TADA2A: variants seen among roughly 807,000 people sequenced by gnomAD.
The protein encoded by TADA2A is transcriptional adapter 2-alpha.
TADA2A carries 38 observed loss-of-function variants against 67.4 expected under a neutral mutation model. The observed-to-expected ratio is 0.56, with a 90% CI of 0.44 to 0.74. The LOEUF is 0.74. Ranked by LOEUF, TADA2A falls within the 30% of genes least tolerant of loss-of-function variation. The probability of loss-of-function intolerance (pLI) is 0.00; values close to 1 mark genes in which losing one functional copy is unlikely to be tolerated. For missense variants in TADA2A, 454 were observed against 547.0 expected, an observed-to-expected ratio of 0.83 and a Z score of 1.70; for synonymous variants, 192 against 181.6, an observed-to-expected ratio of 1.06 and a Z score of -0.46.
At chr17:37,455,606 C>T (rs1256004166) in intron 8 of TADA2A, among the ~76,000 whole-genome samples, 2 of 152,124 alleles carry the variant, frequency 1.3e-5, no homozygotes, top group African/African-American at 2.4e-5. Context: ...TGGTCTTGAG[C>T]TCCTGACCTT....
At chr17:37,409,811 A>G (rs1005404486) in intron 1 of TADA2A, among the ~76,000 whole-genome samples, 5 of 150,134 alleles carry the variant, frequency 3.3e-5, no homozygotes, top group South Asian at 2.1e-4. Flanking sequence ...AGTGTACAGA[A>G]GAAGGATTAT....
chr17:37,408,508 G>T (rs925085652), intron 1 of TADA2A: 1 of 151,352 alleles, frequency 6.6e-6, no homozygotes, highest in Non-Finnish European at 1.5e-5. Context: ...GCCTCGGCCT[G>T]CTAAAGTGCT....
intron 3 of TADA2A, 38 bp downstream of exon 3, chr17:37,423,653 A>G (rs769144090): frequency 1.4e-6 from 2 of 1,474,310 alleles, no homozygotes; most frequent in Non-Finnish European, 1.9e-6. Context: ...GCCTAGTTTT[A>G]TGCTATTTTT....
chr17:37,476,945 A>G lies in TADA2A; in HGVS notation c.1295A>G (p.Asp432Gly). Reference protein sequence around the residue: ...IDVNKTRKIYDFLIREGYITK... With the variant: ...IDVNKTRKIYGFLIREGYITK... ...GTGAACAAAACCCGGAAAATCTATG[A>G]TTTCCTCATCAGAGAAGGATACATC... The change falls in exon 16 of 16, where the codon GAT (aspartate) becomes GGT (glycine). Residue 432 changes from aspartate (D) to glycine (G), a missense_variant. Transcript: ENST00000615182. 6.2e-7 allele frequency: 1 copy of G among 1,613,994 alleles called. No homozygotes were observed. Among genetic ancestry groups the G allele is most frequent in the South Asian group, 1.1e-5 (1 of 91,062 alleles).
At chr17:37,407,676 G>A (rs192377448) in intron 1 of TADA2A, among the ~76,000 whole-genome samples, 236 of 151,574 alleles carry the variant, frequency 1.6e-3, no homozygotes, top group African/African-American at 5.5e-3. Context: ...GCAGTGGCAC[G>A]ATCGCGGCTC....
chr17:37,472,396 A>T (rs76528153), intron 14 of TADA2A, among the ~76,000 whole-genome samples: 7,821 of 151,376 alleles, frequency 0.052, 258 homozygotes, highest in Middle Eastern at 0.082. Context: ...TCCCCCATTT[A>T]TTCCTTTATT....
At chr17:37,429,261 CAT>C (rs1368213623) in intron 4 of TADA2A, among the ~76,000 whole-genome samples, 9 of 151,812 alleles carry the variant, frequency 5.9e-5, no homozygotes, top group South Asian at 2.1e-4. Context: ...TATAAGGACT[CAT>C]GTGGATTACA....
intron 2 of TADA2A, among the ~76,000 whole-genome samples, chr17:37,417,963 A>T (rs1453373448): frequency 6.6e-6 from 1 of 152,248 alleles, no homozygotes; most frequent in Non-Finnish European, 1.5e-5. Context: ...ATGTTTAGAC[A>T]TAATTACAAT....
chr17:37,417,621 G>A (rs2052092809), intron 2 of TADA2A, among the ~76,000 whole-genome samples: 1 of 151,664 alleles, frequency 6.6e-6, no homozygotes, highest in Admixed American at 6.6e-5. Context: ...TGCCATCTCT[G>A]CCTCCTAGGT....
chr17:37,428,203 A>G (rs1168532584), intron 4 of TADA2A, among the ~76,000 whole-genome samples: 2 of 152,090 alleles, frequency 1.3e-5, no homozygotes, highest in African/African-American at 4.8e-5. Context: ...GACAACACAA[A>G]TTTGTCTCAC....
chr17:37,429,899 G>T (rs1312606906), intron 4 of TADA2A, among the ~76,000 whole-genome samples: 1 of 152,166 alleles, frequency 6.6e-6, no homozygotes, highest in Non-Finnish European at 1.5e-5. Flanking sequence ...AAAATGAAGG[G>T]TTAGGAGACT....
chr17:37,470,632 A>C (rs1021046025), intron 13 of TADA2A, 100 bp downstream of exon 13: 1 of 1,251,442 alleles, frequency 8.0e-7, no homozygotes, highest in Admixed American at 2.8e-5. Flanking sequence ...ATAATAATTG[A>C]GTAGCTGGAA....
intron 9 of TADA2A, among the ~76,000 whole-genome samples, chr17:37,459,495 CTGGTCT>C (rs959728211): frequency 1.3e-5 from 2 of 151,360 alleles, no homozygotes; most frequent in Non-Finnish European, 2.9e-5. Flanking sequence ...GTTGTCCAGG[CTGGTCT>C]TGAACTCCCC....
At chr17:37,421,101 A>G (rs77500926) in intron 2 of TADA2A, among the ~76,000 whole-genome samples, 1,803 of 146,972 alleles carry the variant, frequency 0.012, 152 homozygotes, top group African/African-American at 0.041. Context: ...CTGGGTTTCA[A>G]TTCCCACTCA....
chr17:37,438,632 G>T (rs2147963599), intron 5 of TADA2A, among the ~76,000 whole-genome samples: 1 of 152,264 alleles, frequency 6.6e-6, no homozygotes, highest in Middle Eastern at 3.4e-3. Flanking sequence ...TGAAGAAGGA[G>T]ACCTGAATTT....
intron 3 of TADA2A, 123 bp downstream of exon 3, chr17:37,423,738 TTTTC>T: frequency 1.4e-6 from 1 of 694,474 alleles, no homozygotes; most frequent in Non-Finnish European, 2.2e-6. Context: ...TCCTTCCAAT[TTTTC>T]TTTTTCTTTC....
chr17:37,418,725 G>A (rs546309273), intron 2 of TADA2A, among the ~76,000 whole-genome samples: 1 of 151,578 alleles, frequency 6.6e-6, no homozygotes, highest in African/African-American at 2.4e-5. Context: ...CTGAGTAGCT[G>A]GGATTAGGCG....
intron 8 of TADA2A, among the ~76,000 whole-genome samples, chr17:37,453,184 G>A (rs1021587251): frequency 3.9e-5 from 6 of 152,256 alleles, no homozygotes; most frequent in African/African-American, 1.4e-4. Context: ...TAGAGAGAGA[G>A]AGAAAAGAAA....
chr17:37,412,054 A>T (rs544366758), intron 2 of TADA2A, among the ~76,000 whole-genome samples: 7 of 151,272 alleles, frequency 4.6e-5, no homozygotes, highest in Non-Finnish European at 1.0e-4. Flanking sequence ...AGTAAAAAAT[A>T]AAAAAAATTA....
Sources: allele counts gnomAD v4.1 joint callset (sites outside exome capture counted in the v4.1 genomes callset), GRCh38; gene constraint gnomAD v4.1.1; transcripts MANE v1.5; gene names NCBI Gene and HGNC (gene_info 2026-07-23, HGNC 2026-07-21).